The following ATP2B1 variants were observed in gnomAD, a reference collection of about 807,000 sequenced individuals.
The protein encoded by ATP2B1 is plasma membrane calcium-transporting ATPase 1.
Under a neutral mutation model 124.2 loss-of-function variants are expected in ATP2B1, and 14 were observed. That is an observed-to-expected ratio of 0.11 (90% confidence interval 0.07 to 0.18). ATP2B1 has a LOEUF of 0.18. Ranked by LOEUF, ATP2B1 falls within the 10% of genes least tolerant of loss-of-function variation. The pLI is 1.00. For synonymous variants in ATP2B1, 449 were observed against 492.4 expected (o/e 0.91, Z 1.17); for missense variants, 763 against 1,466.1 (o/e 0.52, Z 7.83).
intron 1 of ATP2B1, among the ~76,000 whole-genome samples, chr12:89,661,097 G>A (rs758094714): frequency 2.6e-5 from 4 of 151,992 alleles, no homozygotes; most frequent in Non-Finnish European, 5.9e-5. Context: ...CATTTAATGA[G>A]AATACAAAGT....
intron 12 of ATP2B1, among the ~76,000 whole-genome samples, chr12:89,615,655 G>C (rs995098992): frequency 6.6e-6 from 1 of 152,044 alleles, no homozygotes; most frequent in African/African-American, 2.4e-5. Flanking sequence ...CTAACTGCTC[G>C]CTCTCTTTCT....
chr12:89,685,548 C>A (rs1456978842), intron 1 of ATP2B1, among the ~76,000 whole-genome samples: 1 of 152,130 alleles, frequency 6.6e-6, no homozygotes, highest in African/African-American at 2.4e-5. Flanking sequence ...GGCAGAAATG[C>A]AAATTCTCAG....
chr12:89,677,485 C>T lies in ATP2B1; in HGVS notation c.-221-21378G>A, dbSNP rs1178926601. On this transcript the variant is annotated intron_variant, in intron 1 of 20. Transcript: ENST00000428670. ...ACACTTTAAATGGAAGAACACAAGA[C>T]CAAGCTTATAATGAAACTTATGATT... Among the ~76,000 whole-genome samples the T allele has an allele frequency of 3.3e-5, 5 of 152,022 alleles. No individual in the cohort carries two copies. In the East Asian group the frequency reaches 5.8e-4, roughly 18 times the overall value.
chr12:89,631,568 A>G (rs1337731746), intron 5 of ATP2B1, among the ~76,000 whole-genome samples: 1 of 152,128 alleles, frequency 6.6e-6, no homozygotes, highest in African/African-American at 2.4e-5. Flanking sequence ...ATTTCATCAT[A>G]TACTTCTCAT....
At chr12:89,651,707 T>C (rs1885277688) in intron 2 of ATP2B1, among the ~76,000 whole-genome samples, 1 of 152,190 alleles carries the variant, frequency 6.6e-6, no homozygotes, top group African/African-American at 2.4e-5. Flanking sequence ...TCTTTCTTCA[T>C]AGTGCAACTC....
chr12:89,676,973 T>G (rs768117167), intron 1 of ATP2B1, among the ~76,000 whole-genome samples: 1 of 152,094 alleles, frequency 6.6e-6, no homozygotes, highest in Non-Finnish European at 1.5e-5. Context: ...GTATGCATTA[T>G]GGACCAAAAA....
chr12:89,697,669 G>C (rs1401981), intron 1 of ATP2B1, among the ~76,000 whole-genome samples: 3 of 80,016 alleles, frequency 3.7e-5, no homozygotes, highest in Non-Finnish European at 7.4e-5. Flanking sequence ...AATCCAAAAG[G>C]CTTTTTTTTT....
At chr12:89,656,896 G>GAGTTTGCCC (rs1339258467) in intron 1 of ATP2B1, among the ~76,000 whole-genome samples, 1 of 152,162 alleles carries the variant, frequency 6.6e-6, no homozygotes, top group Non-Finnish European at 1.5e-5. Context: ...TCTGAGGGCA[G>GAGTTTGCCC]AGTTTGCCCA....
At chr12:89,691,732 A>C (rs904246228) in intron 1 of ATP2B1, among the ~76,000 whole-genome samples, 2 of 152,166 alleles carry the variant, frequency 1.3e-5, no homozygotes, top group African/African-American at 4.8e-5. Flanking sequence ...TCCGACTCAA[A>C]TAATCATTCT....
chr12:89,698,091 G>A (rs945713400), intron 1 of ATP2B1, among the ~76,000 whole-genome samples: 2 of 151,940 alleles, frequency 1.3e-5, no homozygotes, highest in African/African-American at 2.4e-5. Flanking sequence ...GGCTGGTCTC[G>A]AACTCCTGAC....
At chr12:89,678,917 A>G (rs1889011021) in intron 1 of ATP2B1, among the ~76,000 whole-genome samples, 1 of 152,196 alleles carries the variant, frequency 6.6e-6, no homozygotes, top group African/African-American at 2.4e-5. Flanking sequence ...CAGGAATAAT[A>G]TAAAGTTCCT....
At chr12:89,652,132 T>C (rs1885337059) in intron 2 of ATP2B1, among the ~76,000 whole-genome samples, 1 of 152,234 alleles carries the variant, frequency 6.6e-6, no homozygotes, top group African/African-American at 2.4e-5. Context: ...TGTCTCCCCA[T>C]GTGAACATGT....
upstream of ATP2B1, chr12:89,709,013 A>G (rs1892890396): frequency 6.6e-6 from 1 of 150,622 alleles, no homozygotes. Flanking sequence ...AGCCGGCCTC[A>G]CGCCGCCGTC....
At chr12:89,670,559 C>A (rs905593452) in intron 1 of ATP2B1, among the ~76,000 whole-genome samples, 1 of 152,004 alleles carries the variant, frequency 6.6e-6, no homozygotes, top group Non-Finnish European at 1.5e-5. Context: ...GAGTATCCAA[C>A]AGGCATTCTG....
chr12:89,660,673 T>C (rs1886594148), intron 1 of ATP2B1, among the ~76,000 whole-genome samples: 1 of 152,222 alleles, frequency 6.6e-6, no homozygotes, highest in South Asian at 2.1e-4. Context: ...GTACACATCT[T>C]ATTAAATGTG....
In ATP2B1 at chr12:89,600,648, A is replaced by ATT. The variant is rs397850977; in HGVS notation, c.3168+676_3168+677dup. ...AAATTACAGAACAAAATGACAATGTATTTTTTTTTTTTTTTTTGAGATGAA... is the reference window on the plus strand; with the variant it reads ...AAATTACAGAACAAAATGACAATGTATTTTTTTTTTTTTTTTTTTGAGATGAA... On this transcript the variant is annotated intron_variant, in intron 19 of 20. Coordinates refer to ENST00000428670, the MANE Select transcript of ATP2B1 (RefSeq NM_001366521.1). Among the ~76,000 whole-genome samples the ATT allele has an allele frequency of 4.4e-3, 609 of 139,998 alleles. 2 individuals are homozygous for ATT. The highest frequency in any genetic ancestry group is 0.015 in the African/African-American group (585 of 38,158). 91.8% of individuals were successfully genotyped at this position (139,998 alleles called of 152,430 possible). A position where few individuals can be genotyped will look rare whatever the true frequency, so the allele number is the denominator to read the frequency against.
At chr12:89,624,488 T>A in intron 8 of ATP2B1, 91 bp from the exon 9 acceptor site, 2 of 1,044,718 alleles carry the variant, frequency 1.9e-6, no homozygotes, top group African/African-American at 3.2e-5. Context: ...TAAAGAGTTA[T>A]AACTTGCTTG....
In ATP2B1 at chr12:89,599,176, T is replaced by A. The variant is rs1875299996; in HGVS notation, c.3292A>T (p.Arg1098Trp). ...AAGATTTGGCCACGCCGCAACTCCC[T>A]TTCAGCGTGATCAATCTCTTCAACA... is the stretch of plus-strand genomic sequence containing the variant. ...EDVEEIDHAE[R>W]ELRRGQILWF... The change falls in exon 20 of 21, where the codon AGG becomes TGG. Residue 1098 changes from arginine (R) to tryptophan (W), a missense_variant. By Grantham distance (101) the Arg-to-Trp change is moderately radical. Coordinates refer to ENST00000428670, the MANE Select transcript of ATP2B1 (RefSeq NM_001366521.1). The A allele has an allele frequency of 6.2e-7, 1 of 1,614,170 alleles. No homozygotes were observed. Among genetic ancestry groups the A allele is most frequent in the Non-Finnish European group, 8.5e-7 (1 of 1,180,024 alleles).
At chr12:89,598,644 A>G in intron 20 of ATP2B1, 24 of 1,613,956 alleles carry the variant, frequency 1.5e-5, no homozygotes, top group Non-Finnish European at 1.9e-5. Flanking sequence ...GTAGGGGTAG[A>G]AATATTTGTT....
Sources: gnomAD v4.1 joint callset for allele counts (sites outside exome capture counted in the v4.1 genomes callset) on GRCh38, gnomAD v4.1.1 for gene constraint, MANE v1.5 for transcripts, NCBI Gene and HGNC (gene_info 2026-07-23, HGNC 2026-07-21) for gene names.